The following PPP4R1 variants were observed in gnomAD, a reference collection of about 807,000 sequenced individuals.
PPP4R1 encodes the protein protein phosphatase 4 regulatory subunit 1.
PPP4R1 carries 42 observed loss-of-function variants against 111.2 expected under a neutral mutation model. The ratio of observed to expected loss-of-function variants is 0.38; its 90% CI spans 0.29 to 0.49. The LOEUF (loss-of-function observed/expected upper bound fraction) is 0.49, where lower values mean the gene tolerates loss of function less well. Among genes scored for constraint, PPP4R1 ranks in the 20% least tolerant of loss-of-function variants. PPP4R1 has a pLI of 0.97. For synonymous variants in PPP4R1, 409 were observed against 405.5 expected, an observed-to-expected ratio of 1.01 and a Z score of -0.10; for missense variants, 1,012 against 1,161.6, an observed-to-expected ratio of 0.87 and a Z score of 1.87.
chr18:9,613,419 A>G (rs1190052636), intron 2 of PPP4R1: 3 of 152,244 alleles, frequency 2.0e-5, no homozygotes, highest in Non-Finnish European at 2.9e-5. Flanking sequence ...AAAAGTACAT[A>G]TAAGACGAAA....
At position 9,583,190 on chromosome 18, in the gene PPP4R1, G is replaced by A; in HGVS notation, c.845C>T (p.Ala282Val). 1 of 1,611,880 alleles carries A rather than the reference G, an allele frequency of 6.2e-7. No homozygotes were observed. Among genetic ancestry groups the A allele is most frequent in the Non-Finnish European group, 8.5e-7 (1 of 1,178,426 alleles). ...GGTCCGTCGGATTTCTTGACATGTT[G>A]CACATGAAACCGCCATGAAGCATTC... ...CAECFMAVSC[A>V]TCQEIRRTKL... Residue 282 changes from alanine (A) to valine (V), a missense_variant, in exon 9 of 20, where the codon GCA (alanine) becomes GTA (valine). Ala to Val is a moderately conservative substitution (Grantham distance 64). Coordinates refer to ENST00000400556, the MANE Select transcript of PPP4R1 (RefSeq NM_001042388.3).
chr18:9,610,092 G>A (rs1487192342), intron 2 of PPP4R1, among the ~76,000 whole-genome samples: 1 of 152,168 alleles, frequency 6.6e-6, no homozygotes, highest in Non-Finnish European at 1.5e-5. Context: ...AAGTTCTAAT[G>A]AAACTCCTTC....
chr18:9,610,133 T>A (rs2067552662), intron 2 of PPP4R1, among the ~76,000 whole-genome samples: 1 of 152,264 alleles, frequency 6.6e-6, no homozygotes, highest in Non-Finnish European at 1.5e-5. Flanking sequence ...CATTGGCTCA[T>A]CAAATCTTAA....
chr18:9,556,876 G>C (rs187636384), intron 15 of PPP4R1: 54 of 175,230 alleles, frequency 3.1e-4, no homozygotes, highest in Admixed American at 8.0e-4. Flanking sequence ...AGGTTCCACA[G>C]GAGTACTCCA....
chr18:9,570,121 C>A, intron 11 of PPP4R1, 36 bp downstream of exon 11: 2 of 1,473,504 alleles, frequency 1.4e-6, no homozygotes, highest in South Asian at 1.5e-5. Context: ...TATTTTTAAT[C>A]AATTTCAGAA....
chr18:9,574,267 A>G (rs905636766), intron 10 of PPP4R1, among the ~76,000 whole-genome samples: 2 of 152,194 alleles, frequency 1.3e-5, no homozygotes, highest in African/African-American at 4.8e-5. Flanking sequence ...TGCCTACATA[A>G]GTTTATAATT....
chr18:9,571,678 G>A (rs2066863448), intron 10 of PPP4R1, among the ~76,000 whole-genome samples: 1 of 152,236 alleles, frequency 6.6e-6, no homozygotes, highest in Middle Eastern at 3.4e-3. Context: ...CATGTTTATG[G>A]GGCTAAGGGG....
intron 2 of PPP4R1, among the ~76,000 whole-genome samples, chr18:9,607,517 A>G (rs762635928): frequency 3.3e-5 from 5 of 152,204 alleles, no homozygotes; most frequent in Non-Finnish European, 7.3e-5. Context: ...TGAAAAGATG[A>G]GCAAAAGATG....
chr18:9,555,918 CAA>C (rs2066568373), intron 15 of PPP4R1, among the ~76,000 whole-genome samples: 2 of 151,488 alleles, frequency 1.3e-5, no homozygotes, highest in Non-Finnish European at 2.9e-5. Context: ...GGGCGGATCA[CAA>C]GATCAGGAGA....
intron 2 of PPP4R1, among the ~76,000 whole-genome samples, chr18:9,609,180 A>G (rs2145355619): frequency 6.6e-6 from 1 of 152,322 alleles, no homozygotes; most frequent in South Asian, 2.1e-4. Flanking sequence ...TATCAATGAT[A>G]TTATCTCTAA....
chr18:9,549,929 C>CAGGCT, intron 18 of PPP4R1, 123 bp downstream of exon 18: 2 of 1,401,660 alleles, frequency 1.4e-6, no homozygotes, highest in Non-Finnish European at 1.9e-6. Context: ...TATAAACAGC[C>CAGGCT]AGGCTACTAT....
chr18:9,563,373 G>C lies in PPP4R1; in HGVS notation c.1746+5C>G. ...ATTTGGTAAACACTTTACTGAGTTT[G>C]TTACCTCAACAGCATCGCTGATTAA... On this transcript the variant is annotated splice_donor_5th_base_variant and intron_variant, in intron 12 of 19. Transcript: ENST00000400556. 2 of 1,604,820 alleles carry C rather than the reference G, an allele frequency of 1.2e-6. No homozygotes were observed. The highest frequency in any genetic ancestry group is 1.7e-6 in the Non-Finnish European group (2 of 1,175,276).
chr18:9,549,968 A>C, intron 18 of PPP4R1, 84 bp downstream of exon 18: 1 of 1,570,404 alleles, frequency 6.4e-7, no homozygotes, highest in East Asian at 2.2e-5. Context: ...AGTAAGGAAG[A>C]GGGTGAGAGA....
intron 2 of PPP4R1, among the ~76,000 whole-genome samples, chr18:9,602,077 G>T (rs935450710): frequency 6.6e-6 from 1 of 152,154 alleles, no homozygotes; most frequent in African/African-American, 2.4e-5. Context: ...ATAGACGTGA[G>T]ATTATGTAAC....
In PPP4R1 at chr18:9,601,256, C is replaced by T. The variant is rs1209341067; in HGVS notation, c.53-6103G>A. Among the ~76,000 whole-genome samples, 11 of 149,802 alleles carry T rather than the reference C, an allele frequency of 7.3e-5. No individual in the cohort carries two copies. In the East Asian group the frequency reaches 2.0e-3, roughly 27 times the overall value. ...AGCATATACTGGCCGGGAACGGTGGCTCATGCCTGTAATCCCAGCACTGTG... is the reference window on the plus strand; with the variant it reads ...AGCATATACTGGCCGGGAACGGTGGTTCATGCCTGTAATCCCAGCACTGTG... On this transcript the variant is annotated intron_variant, in intron 2 of 19. Transcript: ENST00000400556.
intron 3 of PPP4R1, 38 bp downstream of exon 3, chr18:9,594,980 C>A: frequency 6.2e-7 from 1 of 1,600,340 alleles, no homozygotes. Flanking sequence ...TAAAACCACC[C>A]TTCCACTTCC....
chr18:9,604,794 T>C (rs1314001127), intron 2 of PPP4R1, among the ~76,000 whole-genome samples: 1 of 152,200 alleles, frequency 6.6e-6, no homozygotes, highest in Non-Finnish European at 1.5e-5. Flanking sequence ...AAGATTGTCT[T>C]GCTAAACTTT....
chr18:9,574,333 A>G (rs2066905670), intron 10 of PPP4R1, among the ~76,000 whole-genome samples: 2 of 152,202 alleles, frequency 1.3e-5, no homozygotes, highest in Non-Finnish European at 2.9e-5. Flanking sequence ...AATTACAGGT[A>G]TTTCAAGGAG....
rs773345920 is a variant in PPP4R1 at position 9,559,508 on chromosome 18, A to G, written c.1939T>C (p.Tyr647His). The G allele has an allele frequency of 6.2e-7, 1 of 1,613,980 alleles. No individual in the cohort carries two copies. Among genetic ancestry groups the G allele is most frequent in the Non-Finnish European group, 8.5e-7 (1 of 1,179,894 alleles). ...GTCAAGGCCACACCAGGGAGGCTATATGCACAGTGCTTAGCAATTTCAGTG... is the reference window on the plus strand; with the variant it reads ...GTCAAGGCCACACCAGGGAGGCTATGTGCACAGTGCTTAGCAATTTCAGTG... ...VDTEIAKHCA[Y>H]SLPGVALTLG... The change falls in exon 14 of 20, where the codon TAT (tyrosine) becomes CAT (histidine). Residue 647 changes from tyrosine to histidine, a missense_variant. By Grantham distance (83) the Tyr-to-His change is moderately conservative (BLOSUM62 2). This residue lies in a region of PPP4R1 where 305 missense variants were observed against 419.5 expected (regional missense o/e 0.73). Transcript: ENST00000400556.
Sources: gnomAD v4.1 joint callset for allele counts (sites outside exome capture counted in the v4.1 genomes callset) on GRCh38, gnomAD v4.1.1 for gene constraint, gnomAD v4.1.1 regional missense constraint, MANE v1.5 for transcripts, NCBI Gene and HGNC (gene_info 2026-07-23, HGNC 2026-07-21) for gene names.